The following LPP variants were observed in gnomAD, a reference collection of about 807,000 sequenced individuals.
LPP encodes the protein lipoma-preferred partner.
LPP carries 38 observed loss-of-function variants against 60.4 expected under a neutral mutation model. The ratio of observed to expected loss-of-function variants is 0.63; its 90% CI spans 0.49 to 0.83. LPP has a LOEUF of 0.83. Among genes scored for constraint, LPP ranks in the 40% least tolerant of loss-of-function variants. LPP has a pLI of 0.00. For missense variants in LPP, 902 were observed against 783.6 expected (o/e 1.15, Z -1.80); for synonymous variants, 328 against 290.8 (o/e 1.13, Z -1.30).
In LPP at chr3:188,485,669, C is replaced by T. The variant is rs868402383; in HGVS notation, c.306+965C>T. Among the ~76,000 whole-genome samples the T allele has an allele frequency of 5.9e-3, 889 of 149,872 alleles. 12 individuals are homozygous for T. Among genetic ancestry groups the T allele is most frequent in the African/African-American group, 0.021 (843 of 40,976 alleles). ...AAAATTAGCCGGGCGTAGTGGCGGG[C>T]GCCTGTAGTCCCAGCTACTTGGGAG... is the stretch of plus-strand genomic sequence containing the variant. On this transcript the variant is annotated intron_variant, in intron 5 of 11. Transcript: ENST00000617246.
At chr3:188,775,021 A>G (rs893272028) in intron 9 of LPP, among the ~76,000 whole-genome samples, 2 of 148,900 alleles carry the variant, frequency 1.3e-5, no homozygotes, top group African/African-American at 4.9e-5. Flanking sequence ...AGAATATCCT[A>G]TGCTTCTAGT....
At chr3:188,361,783 G>A (rs1307337515) in intron 3 of LPP, among the ~76,000 whole-genome samples, 1 of 152,042 alleles carries the variant, frequency 6.6e-6, no homozygotes, top group Non-Finnish European at 1.5e-5. Flanking sequence ...GGCCAGGCTG[G>A]TCTCGAACTC....
At chr3:188,773,873 G>A (rs1159287756) in intron 9 of LPP, among the ~76,000 whole-genome samples, 2 of 152,030 alleles carry the variant, frequency 1.3e-5, no homozygotes, top group Admixed American at 1.3e-4. Flanking sequence ...GCAAAAGGAG[G>A]AATCCAAAAA....
chr3:188,510,399 C>G (rs114723352), intron 5 of LPP, among the ~76,000 whole-genome samples: 1 of 152,132 alleles, frequency 6.6e-6, no homozygotes, highest in Non-Finnish European at 1.5e-5. Context: ...CTTTCTGATA[C>G]GGTCTCTCAC....
rs546071579 is a variant in LPP at position 188,523,203 on chromosome 3, G to A, written c.307-1462G>A. Among the ~76,000 whole-genome samples, 469 of 152,110 alleles carry A rather than the reference G, an allele frequency of 3.1e-3. 4 individuals are homozygous for A. The highest frequency in any genetic ancestry group is 5.2e-3 in the Non-Finnish European group (354 of 67,984). ...ATTACAGGCATGAGCCACCGCGCCC[G>A]TCCTGAAATCCATGTTTAAAGAGGG... is the stretch of plus-strand genomic sequence containing the variant. On this transcript the variant is annotated intron_variant, in intron 5 of 11. Coordinates refer to ENST00000617246, the MANE Select transcript of LPP (RefSeq NM_001375462.1).
intron 7 of LPP, among the ~76,000 whole-genome samples, chr3:188,697,024 T>A (rs1863396344): frequency 6.6e-6 from 1 of 152,218 alleles, no homozygotes; most frequent in South Asian, 2.1e-4. Context: ...CTTCTTACCA[T>A]GTTGAGATAC....
intron 2 of LPP, among the ~76,000 whole-genome samples, chr3:188,329,056 A>G (rs965774865): frequency 2.0e-5 from 3 of 152,170 alleles, no homozygotes; most frequent in Non-Finnish European, 2.9e-5. Context: ...ATTTCAACAC[A>G]GGGAAACGGC....
intron 3 of LPP, among the ~76,000 whole-genome samples, chr3:188,358,857 G>A (rs550330015): frequency 3.9e-5 from 6 of 152,220 alleles, no homozygotes; most frequent in Non-Finnish European, 5.9e-5. Flanking sequence ...TGCATTGTCC[G>A]CAAAGACTAG....
intron 6 of LPP, among the ~76,000 whole-genome samples, chr3:188,549,130 A>G (rs891336458): frequency 4.6e-5 from 7 of 152,226 alleles, no homozygotes; most frequent in African/African-American, 1.7e-4. Context: ...TACCACATGA[A>G]TAGGTATAAT....
chr3:188,452,540 G>A (rs1355597145), intron 4 of LPP, among the ~76,000 whole-genome samples: 1 of 152,132 alleles, frequency 6.6e-6, no homozygotes, highest in Non-Finnish European at 1.5e-5. Flanking sequence ...TTTAAGTGAC[G>A]TGTATCGAAA....
At chr3:188,315,810 C>T (rs192784505) in intron 2 of LPP, among the ~76,000 whole-genome samples, 5 of 152,250 alleles carry the variant, frequency 3.3e-5, no homozygotes, top group African/African-American at 7.2e-5. Context: ...AACTCTAGTT[C>T]GTTTCTGCCT....
intron 6 of LPP, among the ~76,000 whole-genome samples, chr3:188,534,536 A>T (rs1325506947): frequency 1.3e-5 from 2 of 152,186 alleles, no homozygotes; most frequent in Non-Finnish European, 2.9e-5. Context: ...TAGTGTTAGT[A>T]TGAAACCCCA....
chr3:188,755,949 G>A (rs1010701055), intron 8 of LPP, among the ~76,000 whole-genome samples: 4 of 148,550 alleles, frequency 2.7e-5, no homozygotes, highest in African/African-American at 9.9e-5. Context: ...ATTCACCCAT[G>A]CCATCCCCAA....
Position 188,654,445 on chromosome 3 carries a change from G to A in LPP, c.1113+44601G>A, listed in dbSNP as rs55671338. 3.3e-5 allele frequency among the ~76,000 whole-genome samples: 5 copies of A among 152,234 alleles called. 1 individual carries two copies. The highest frequency in any genetic ancestry group is 9.6e-5 in the African/African-American group (4 of 41,534). The stretch of plus-strand genomic sequence containing the variant: ...AAATGGTGCATCATACGAATTTAGC[G>A]ACATTTCACTTCAAGATTCTTACAC... On this transcript the variant is annotated intron_variant, in intron 7 of 11. Coordinates refer to ENST00000617246, the MANE Select transcript of LPP (RefSeq NM_001375462.1).
chr3:188,406,599 C>T (rs926239112), intron 4 of LPP, among the ~76,000 whole-genome samples: 5 of 152,192 alleles, frequency 3.3e-5, no homozygotes, highest in South Asian at 2.1e-4. Context: ...CTTTCTACTG[C>T]GTTATCTTCC....
intron 3 of LPP, among the ~76,000 whole-genome samples, chr3:188,371,769 C>T (rs1425597869): frequency 2.0e-5 from 3 of 147,098 alleles, no homozygotes; most frequent in Non-Finnish European, 4.5e-5. Flanking sequence ...ATTCTCCTGC[C>T]TCAGCCTCCC....
intron 3 of LPP, among the ~76,000 whole-genome samples, chr3:188,392,480 C>G (rs1779941725): frequency 6.6e-6 from 1 of 152,072 alleles, no homozygotes; most frequent in Admixed American, 6.6e-5. Flanking sequence ...CAGCCAAATA[C>G]AAGTTTTGCA....
intron 7 of LPP, among the ~76,000 whole-genome samples, chr3:188,657,062 G>C (rs1213026625): frequency 6.6e-6 from 1 of 151,988 alleles, no homozygotes; most frequent in Non-Finnish European, 1.5e-5. Flanking sequence ...TTTCCAAATA[G>C]AGTCCACATT....
At chr3:188,275,771 G>A (rs1382048343) in intron 2 of LPP, among the ~76,000 whole-genome samples, 2 of 152,078 alleles carry the variant, frequency 1.3e-5, no homozygotes, top group African/African-American at 2.4e-5. Flanking sequence ...CACTTCCCAG[G>A]TTCAAGCGAT....
Sources: gnomAD v4.1 joint callset for allele counts (sites outside exome capture counted in the v4.1 genomes callset) on GRCh38, gnomAD v4.1.1 for gene constraint, MANE v1.5 for transcripts, NCBI Gene and HGNC (gene_info 2026-07-23, HGNC 2026-07-21) for gene names.